DSG1: variants seen among roughly 807,000 people sequenced by gnomAD.
The protein encoded by DSG1 is desmoglein 1.
DSG1 carries 39 observed loss-of-function variants against 97.5 expected under a neutral mutation model. That is an observed-to-expected ratio of 0.40 (90% CI 0.31 to 0.52). DSG1 has a LOEUF of 0.52. Among genes scored for constraint, DSG1 ranks in the 20% least tolerant of loss-of-function variants. The pLI, the probability that DSG1 is intolerant of heterozygous loss-of-function variation, is 0.53. For missense variants in DSG1, 1,311 were observed against 1,295.4 expected, an observed-to-expected ratio of 1.01 and a Z score of -0.18; for synonymous variants, 475 against 443.4, an observed-to-expected ratio of 1.07 and a Z score of -0.90.
At chr18:31,343,067 T>C (rs1365704903) in intron 11 of DSG1, among the ~76,000 whole-genome samples, 2 of 151,862 alleles carry the variant, frequency 1.3e-5, no homozygotes, top group Non-Finnish European at 2.9e-5. Flanking sequence ...AAAGCCCCCA[T>C]ACACGCCTAA....
chr18:31,346,669 C>T (rs1275234902), intron 14 of DSG1, among the ~76,000 whole-genome samples: 11 of 152,114 alleles, frequency 7.2e-5, no homozygotes, highest in South Asian at 2.1e-4. Flanking sequence ...ACTCTCCCTC[C>T]GAAGTTTTTA....
At chr18:31,325,366 C>T (rs776813201) in intron 1 of DSG1, among the ~76,000 whole-genome samples, 2 of 152,204 alleles carry the variant, frequency 1.3e-5, no homozygotes, top group Non-Finnish European at 2.9e-5. Context: ...TAACAGATAA[C>T]AGATCCATGC....
rs867930449 is a variant in DSG1 at position 31,346,045 on chromosome 18, G to A, written c.1947G>A (p.Glu649=). Residue 649 remains glutamate (E), a synonymous_variant, in exon 14 of 15, where the codon GAG becomes GAA. Coordinates refer to ENST00000257192, the MANE Select transcript of DSG1 (RefSeq NM_001942.4). ...AAATGCAAGATCTGGGAGGAGGAGA[G>A]AGAATGACAGGATTTGAACTAACAG... is the stretch of plus-strand genomic sequence containing the variant. The part of the protein sequence containing the change: ...GREMQDLGGG[E]RMTGFELTEG... The A allele has an allele frequency of 3.7e-6, 6 of 1,612,610 alleles. No individual in the cohort carries two copies. The highest frequency in any genetic ancestry group is 8.5e-7 in the Non-Finnish European group (1 of 1,178,666).
At chr18:31,319,293 A>G (rs1329206141) in intron 1 of DSG1, among the ~76,000 whole-genome samples, 4 of 152,192 alleles carry the variant, frequency 2.6e-5, no homozygotes, top group Non-Finnish European at 4.4e-5. Flanking sequence ...GGCAGGATGT[A>G]TAGTGCTGTG....
Position 31,355,347 on chromosome 18 carries a change from T to C in DSG1, c.*1T>C, listed in dbSNP as rs2071947367. On this transcript the variant is annotated 3_prime_UTR_variant, in exon 15 of 15. Coordinates refer to ENST00000257192, the MANE Select transcript of DSG1 (RefSeq NM_001942.4). ...TAGTACCGTGCAATATAGCAAGTAG[T>C]CAGGACCCCAGCTCACTTTTTCATA... is the stretch of plus-strand genomic sequence containing the variant. The C allele has an allele frequency of 6.2e-7, 1 of 1,613,762 alleles. No homozygotes were observed. The highest frequency in any genetic ancestry group is 8.5e-7 in the Non-Finnish European group (1 of 1,179,878).
chr18:31,355,350 G>A lies in DSG1; in HGVS notation c.*4G>A, dbSNP rs1382516305. On this transcript the variant is annotated 3_prime_UTR_variant, in exon 15 of 15. Coordinates refer to ENST00000257192, the MANE Select transcript of DSG1 (RefSeq NM_001942.4). ...TACCGTGCAATATAGCAAGTAGTCA[G>A]GACCCCAGCTCACTTTTTCATAGTC... 6.8e-6 allele frequency: 11 copies of A among 1,613,552 alleles called. No homozygotes were observed. The highest frequency in any genetic ancestry group is 1.1e-5 in the South Asian group (1 of 91,024).
intron 6 of DSG1, among the ~76,000 whole-genome samples, 183 bp downstream of exon 6, chr18:31,332,050 G>GT (rs1254200454): frequency 6.6e-6 from 1 of 151,870 alleles, no homozygotes; most frequent in African/African-American, 2.4e-5. Context: ...TTTCAATTAC[G>GT]TTTTGTACTA....
Position 31,336,373 on chromosome 18 carries a change from T to C in DSG1, c.1025T>C (p.Met342Thr), listed in dbSNP as rs572561114. ...KVVKPLDYEA[M>T]QSLQLSIGVR... is the part of the protein sequence containing the mutation. ...TTCTAGCCCTTAGATTATGAAGCTA[T>C]GCAGAGTCTGCAACTCAGTATTGGT... Residue 342 changes from methionine to threonine, a missense_variant, in exon 9 of 15, where the codon ATG (methionine) becomes ACG (threonine). Met to Thr is a moderately conservative substitution (Grantham distance 81, BLOSUM62 -1). Transcript: ENST00000257192. 5 of 1,613,762 alleles carry C rather than the reference T, an allele frequency of 3.1e-6. No individual in the cohort carries two copies. The African/African-American group carries it at 6.7e-5, about 22-fold the overall frequency.
chr18:31,352,111 T>G (rs1221022056), intron 14 of DSG1, among the ~76,000 whole-genome samples: 1 of 152,132 alleles, frequency 6.6e-6, no homozygotes, highest in Non-Finnish European at 1.5e-5. Context: ...CTGGTACCGG[T>G]TGTTCCTTTC....
chr18:31,339,715 T>C (rs1447454760), intron 10 of DSG1, 29 bp from the exon 11 acceptor site: 2 of 1,553,550 alleles, frequency 1.3e-6, no homozygotes, highest in Non-Finnish European at 1.8e-6. Context: ...ATGTCTAAAA[T>C]ATTTCTTCCA....
At chr18:31,321,922 C>A (rs1031115691) in intron 1 of DSG1, among the ~76,000 whole-genome samples, 4 of 152,172 alleles carry the variant, frequency 2.6e-5, no homozygotes, top group African/African-American at 9.7e-5. Flanking sequence ...TGCCAGGCAC[C>A]GCAATTAGAT....
rs1415082748 is a variant in DSG1 at position 31,331,577 on chromosome 18, G to A, written c.518-124G>A. On this transcript the variant is annotated intron_variant, in intron 5 of 14. Coordinates refer to ENST00000257192, the MANE Select transcript of DSG1 (RefSeq NM_001942.4). Reference sequence around the variant, plus strand: ...ATCCATATGTTGAAGGAGTAGAAAGGGAAGACAGTGAAGTCCACATCATAA... The same window carrying A: ...ATCCATATGTTGAAGGAGTAGAAAGAGAAGACAGTGAAGTCCACATCATAA... The A allele has an allele frequency of 3.0e-5, 25 of 821,210 alleles. 1 individual carries two copies. The highest frequency in any genetic ancestry group is 3.4e-4 in the Middle Eastern group (1 of 2,974). 50.9% of individuals were successfully genotyped at this position (821,210 alleles called of 1,614,324 possible). A position where few individuals can be genotyped will look rare whatever the true frequency, so the allele number is the denominator to read the frequency against.
chr18:31,324,302 T>G lies in DSG1; in HGVS notation c.49-2279T>G, dbSNP rs561590450. 5.9e-3 allele frequency among the ~76,000 whole-genome samples: 889 copies of G among 150,606 alleles called. 11 individuals are homozygous for G. Among genetic ancestry groups the G allele is most frequent in the African/African-American group, 0.02 (836 of 41,148 alleles). On this transcript the variant is annotated intron_variant, in intron 1 of 14. Coordinates refer to ENST00000257192, the MANE Select transcript of DSG1 (RefSeq NM_001942.4). ...CGGCCCTCTCCTTCCTTTTTTTTTT[T>G]TTTGTTTGTTTGTTGTCGTTGTTCC... is the stretch of plus-strand genomic sequence containing the variant.
rs1252323762 is a variant in DSG1 at position 31,355,137 on chromosome 18, G to A, written c.2941G>A (p.Gly981Ser). Residue 981 changes from glycine to serine, a missense_variant, in exon 15 of 15, where the codon GGC becomes AGC. Coordinates refer to ENST00000257192, the MANE Select transcript of DSG1 (RefSeq NM_001942.4). ...TGGCATAGGCAGCAGTGGCCTGGTT[G>A]GCACCAGCATGGGTGCTGGGAGCGG... The part of the protein sequence containing the change: ...SGGIGSSGLV[G>S]TSMGAGSGAL... 2 of 1,612,448 alleles carry A rather than the reference G, an allele frequency of 1.2e-6. No homozygotes were observed. The highest frequency in any genetic ancestry group is 4.5e-5 in the East Asian group (2 of 44,860).
In DSG1 at chr18:31,333,687, T is replaced by C; in HGVS notation, c.783T>C (p.Asp261=). ...AECECNIKIL[D]VNDNIPYMEQ... ...GTGAGTGCAACATTAAAATCCTCGA[T>C]GTCAATGATAATATCCCTTACATGG... Residue 261 remains aspartate, a synonymous_variant, in exon 7 of 15, where the codon GAT becomes GAC. Coordinates refer to ENST00000257192, the MANE Select transcript of DSG1 (RefSeq NM_001942.4). 6.2e-7 allele frequency: 1 copy of C among 1,613,838 alleles called. No homozygotes were observed. Among genetic ancestry groups the C allele is most frequent in the Non-Finnish European group, 8.5e-7 (1 of 1,179,744 alleles).
chr18:31,338,561 G>A, intron 10 of DSG1, 107 bp downstream of exon 10: 1 of 1,253,296 alleles, frequency 8.0e-7, no homozygotes, highest in South Asian at 1.3e-5. Flanking sequence ...TCCAACAAAA[G>A]TTGTCACACT....
chr18:31,335,049 C>T (rs1003535198), intron 8 of DSG1, among the ~76,000 whole-genome samples: 2 of 152,060 alleles, frequency 1.3e-5, no homozygotes, highest in African/African-American at 4.8e-5. Context: ...GGAAAACAGA[C>T]TCTCAAACGA....
At chr18:31,333,880 G>A in intron 7 of DSG1, 137 bp from the exon 8 acceptor site, 1 of 1,150,170 alleles carries the variant, frequency 8.7e-7, no homozygotes, top group Non-Finnish European at 1.3e-6. Flanking sequence ...AATAAATGGA[G>A]TTAAGCAATG....
intron 6 of DSG1, 80 bp downstream of exon 6, chr18:31,331,947 T>A: frequency 7.3e-7 from 1 of 1,367,712 alleles, no homozygotes; most frequent in Non-Finnish European, 1.0e-6. Context: ...GACAAAGAGA[T>A]GAAGAAAATG....
Sources: gnomAD v4.1 joint callset for allele counts (sites outside exome capture counted in the v4.1 genomes callset) on GRCh38, gnomAD v4.1.1 for gene constraint, MANE v1.5 for transcripts, NCBI Gene and HGNC (gene_info 2026-07-23, HGNC 2026-07-21) for gene names.